KLF7: variants seen among roughly 807,000 people sequenced by gnomAD.
KLF7 encodes KLF transcription factor 7, also known as Krueppel-like factor 7.
A neutral mutation model predicts 27.3 loss-of-function variants in KLF7; 2 were observed. The observed-to-expected ratio is 0.07, with a 90% CI of 0.03 to 0.23. KLF7 has a LOEUF of 0.23. Among genes scored for constraint, KLF7 ranks in the 10% least tolerant of loss-of-function variants. KLF7 has a pLI of 1.00. For synonymous variants in KLF7, 165 were observed against 162.4 expected, an observed-to-expected ratio of 1.02 and a Z score of -0.12; for missense variants, 221 against 394.1, an observed-to-expected ratio of 0.56 and a Z score of 3.72.
chr2:207,105,556 C>T (rs1477665716), intron 2 of KLF7, among the ~76,000 whole-genome samples: 1 of 152,202 alleles, frequency 6.6e-6, no homozygotes, highest in East Asian at 1.9e-4. Flanking sequence ...AAGAAAGGGA[C>T]ACAGAAGCAA....
At position 207,146,550 on chromosome 2, in the gene KLF7, T is replaced by C. The variant is rs377690394; in HGVS notation, c.102+18917A>G. ...TCTGGAATATTCCCTTCTCTCAGTC[T>C]TCCTTCTCCTTAGGGGACCCTTTCT... On this transcript the variant is annotated intron_variant, in intron 1 of 3. Transcript: ENST00000309446. Among the ~76,000 whole-genome samples, 14 of 152,226 alleles carry C rather than the reference T, an allele frequency of 9.2e-5. No individual in the cohort carries two copies. The South Asian group carries it at 2.9e-3, about 32-fold the overall frequency.
intron 1 of KLF7, among the ~76,000 whole-genome samples, chr2:207,159,924 G>T (rs984158091): frequency 6.6e-6 from 1 of 152,120 alleles, no homozygotes; most frequent in African/African-American, 2.4e-5. Context: ...AAATAATTCT[G>T]CCAATTAGCA....
chr2:207,154,822 T>G (rs1326093246), intron 1 of KLF7, among the ~76,000 whole-genome samples: 1 of 152,214 alleles, frequency 6.6e-6, no homozygotes, highest in Non-Finnish European at 1.5e-5. Context: ...GTTCCACCTC[T>G]GCTTGATTTC....
Position 207,081,079 on chromosome 2 carries a change from G to A in KLF7, c.*134C>T, listed in dbSNP as rs2076259974. 1 of 737,288 alleles carries A rather than the reference G, an allele frequency of 1.4e-6. No individual in the cohort carries two copies. Among genetic ancestry groups the A allele is most frequent in the Admixed American group, 1.9e-5 (1 of 53,644 alleles). 45.7% of individuals were successfully genotyped at this position (737,288 alleles called of 1,614,324 possible). On this transcript the variant is annotated 3_prime_UTR_variant, in exon 4 of 4. Coordinates refer to ENST00000309446, the MANE Select transcript of KLF7 (RefSeq NM_003709.4). ...TGTGTATATGTGTGTGTGTGTGTGT[G>A]TGTGTACAGAGGTTTATAAGTGAGA...
intron 1 of KLF7, among the ~76,000 whole-genome samples, chr2:207,164,798 G>A (rs1027613991): frequency 6.6e-6 from 1 of 152,178 alleles, no homozygotes; most frequent in African/African-American, 2.4e-5. Flanking sequence ...CGCATAGAGG[G>A]TGTTCTCTTT....
At chr2:207,161,667 T>A (rs2078550112) in intron 1 of KLF7, among the ~76,000 whole-genome samples, 1 of 152,216 alleles carries the variant, frequency 6.6e-6, no homozygotes, top group Non-Finnish European at 1.5e-5. Context: ...ATGCAACCAT[T>A]TCTGTACGTT....
intron 2 of KLF7, among the ~76,000 whole-genome samples, chr2:207,101,071 C>G (rs1450836813): frequency 3.3e-5 from 5 of 152,188 alleles, no homozygotes; most frequent in Non-Finnish European, 7.3e-5. Context: ...ATTCATAAAC[C>G]CTAACATGCA....
intron 2 of KLF7, among the ~76,000 whole-genome samples, chr2:207,118,775 T>C (rs2077258320): frequency 6.6e-6 from 1 of 152,224 alleles, no homozygotes; most frequent in Admixed American, 6.5e-5. Flanking sequence ...AGCAAGTGCT[T>C]TATATGTATT....
chr2:207,122,678 A>G (rs2077370050), intron 2 of KLF7, among the ~76,000 whole-genome samples: 1 of 152,106 alleles, frequency 6.6e-6, no homozygotes, highest in Admixed American at 6.5e-5. Flanking sequence ...TCCCCTGCAC[A>G]CTTCTTTGGA....
chr2:207,102,137 C>CACAT (rs1186644700), intron 2 of KLF7, among the ~76,000 whole-genome samples: 7 of 151,252 alleles, frequency 4.6e-5, no homozygotes, highest in African/African-American at 1.7e-4. Context: ...CACACACACA[C>CACAT]ACACACACAC....
chr2:207,139,104 T>C (rs2077868689), intron 1 of KLF7, among the ~76,000 whole-genome samples: 1 of 152,154 alleles, frequency 6.6e-6, no homozygotes, highest in Non-Finnish European at 1.5e-5. Flanking sequence ...GCCCACGAGG[T>C]ACTGAATCAG....
chr2:207,159,219 G>A (rs953266834), intron 1 of KLF7, among the ~76,000 whole-genome samples: 3 of 152,184 alleles, frequency 2.0e-5, no homozygotes, highest in African/African-American at 7.2e-5. Flanking sequence ...CACAGACATG[G>A]GCACTGTTTC....
At chr2:207,096,604 C>T (rs982649117) in intron 2 of KLF7, among the ~76,000 whole-genome samples, 1 of 152,154 alleles carries the variant, frequency 6.6e-6, no homozygotes, top group Non-Finnish European at 1.5e-5. Flanking sequence ...TGGTGCTTTT[C>T]AGAAACAGTC....
intron 1 of KLF7, among the ~76,000 whole-genome samples, chr2:207,141,618 A>G (rs926175744): frequency 5.3e-5 from 8 of 152,232 alleles, no homozygotes; most frequent in Non-Finnish European, 1.0e-4. Flanking sequence ...TTTTAAAGGA[A>G]GCCCAAATCT....
chr2:207,141,575 T>C (rs2077943381), intron 1 of KLF7, among the ~76,000 whole-genome samples: 1 of 152,172 alleles, frequency 6.6e-6, no homozygotes, highest in Admixed American at 6.5e-5. Context: ...ATCGATATCA[T>C]GTAGAAAACA....
At chr2:207,158,701 G>T (rs2078458361) in intron 1 of KLF7, among the ~76,000 whole-genome samples, 1 of 152,132 alleles carries the variant, frequency 6.6e-6, no homozygotes. Context: ...ATTAAAAGTG[G>T]AAAAAGAATC....
intron 1 of KLF7, among the ~76,000 whole-genome samples, chr2:207,150,581 G>A (rs2106103034): frequency 6.6e-6 from 1 of 152,330 alleles, no homozygotes; most frequent in African/African-American, 2.4e-5. Context: ...TATAGCATTT[G>A]ATTAGAGCAA....
At chr2:207,122,749 T>C (rs2077373031) in intron 2 of KLF7, among the ~76,000 whole-genome samples, 1 of 152,222 alleles carries the variant, frequency 6.6e-6, no homozygotes, top group African/African-American at 2.4e-5. Flanking sequence ...ATGCTATCAC[T>C]GATTTCTCTC....
chr2:207,147,591 G>A (rs910752117), intron 1 of KLF7, among the ~76,000 whole-genome samples: 1 of 152,096 alleles, frequency 6.6e-6, no homozygotes, highest in Admixed American at 6.5e-5. Context: ...GGGCGGAGGA[G>A]TCTGAAGGCT....
Sources: allele counts gnomAD v4.1 joint callset (sites outside exome capture counted in the v4.1 genomes callset), GRCh38; gene constraint gnomAD v4.1.1; transcripts MANE v1.5; gene names NCBI Gene and HGNC (gene_info 2026-07-23, HGNC 2026-07-21).